The following MEIKIN variants were observed in gnomAD, a reference collection of about 807,000 sequenced individuals.
The protein encoded by MEIKIN is meiosis-specific kinetochore protein.
rs1749421643 is a variant in MEIKIN at position 131,818,879 on chromosome 5, A to G, written c.976-16T>C. 1 of 397,096 alleles carries G rather than the reference A, an allele frequency of 2.5e-6. No individual in the cohort carries two copies. Among genetic ancestry groups the G allele is most frequent in the East Asian group, 3.6e-5 (1 of 27,924 alleles). 24.6% of individuals were successfully genotyped at this position (397,096 alleles called of 1,614,324 possible). ...TTGCAGGAAACTGGAAAAGAAAAAA[A>G]GCAGATATTGCATAATTCCTCCAAA... is the stretch of plus-strand genomic sequence containing the variant. On this transcript the variant is annotated splice_polypyrimidine_tract_variant and intron_variant, in intron 11 of 12. Transcript: ENST00000442687.
At chr5:131,940,444 T>C (rs1388551389) in intron 4 of MEIKIN, among the ~76,000 whole-genome samples, 1 of 152,208 alleles carries the variant, frequency 6.6e-6, no homozygotes, top group Admixed American at 6.5e-5. Flanking sequence ...CATAGCAGCC[T>C]GCTATATTAT....
At chr5:131,829,975 A>G (rs1258590675) in intron 11 of MEIKIN, among the ~76,000 whole-genome samples, 1 of 152,228 alleles carries the variant, frequency 6.6e-6, no homozygotes, top group Non-Finnish European at 1.5e-5. Context: ...TCTTTGTTAC[A>G]GCATCTTTAA....
At chr5:131,877,981 T>C (rs1750644351) in intron 9 of MEIKIN, among the ~76,000 whole-genome samples, 1 of 152,228 alleles carries the variant, frequency 6.6e-6, no homozygotes, top group Non-Finnish European at 1.5e-5. Context: ...AGCATATCCA[T>C]GATAGACATA....
At chr5:131,856,803 T>A (rs1322992666) in intron 9 of MEIKIN, among the ~76,000 whole-genome samples, 1 of 151,478 alleles carries the variant, frequency 6.6e-6, no homozygotes, top group Non-Finnish European at 1.5e-5. Flanking sequence ...ATATATATAT[T>A]TCTAAATCTT....
intron 9 of MEIKIN, among the ~76,000 whole-genome samples, chr5:131,873,252 C>A (rs1432970442): frequency 6.6e-6 from 1 of 152,034 alleles, no homozygotes; most frequent in Non-Finnish European, 1.5e-5. Context: ...TTCAGGAAAC[C>A]CATCTCACAT....
intron 6 of MEIKIN, 73 bp downstream of exon 6, chr5:131,921,749 A>G (rs1160664636): frequency 5.0e-6 from 2 of 397,964 alleles, no homozygotes; most frequent in Non-Finnish European, 8.9e-6. Flanking sequence ...CTTAGCTTAG[A>G]AATCATTCAA....
At chr5:131,931,608 G>C (rs1405407085) in intron 5 of MEIKIN, among the ~76,000 whole-genome samples, 4 of 152,216 alleles carry the variant, frequency 2.6e-5, no homozygotes, top group Non-Finnish European at 5.9e-5. Flanking sequence ...TCAACTGTAT[G>C]ATGCTGTGCT....
At chr5:131,893,295 C>T (rs1018266067) in intron 8 of MEIKIN, among the ~76,000 whole-genome samples, 19 of 152,192 alleles carry the variant, frequency 1.2e-4, no homozygotes, top group African/African-American at 3.9e-4. Flanking sequence ...GAATGGTGGG[C>T]GCCCCTCCCC....
intron 5 of MEIKIN, among the ~76,000 whole-genome samples, chr5:131,926,592 G>A (rs1269264743): frequency 6.6e-6 from 1 of 152,124 alleles, no homozygotes; most frequent in Admixed American, 6.5e-5. Flanking sequence ...TTTTTTAGAA[G>A]AGTTTAAGAA....
At chr5:131,855,979 G>A (rs1566427) in intron 9 of MEIKIN, among the ~76,000 whole-genome samples, 119,267 of 152,160 alleles carry the variant, frequency 0.78, 46,991 homozygotes, top group African/African-American at 0.83. Flanking sequence ...TTCTTTTTGA[G>A]TAGGTGTCTC....
chr5:131,827,510 T>G (rs966630186), intron 11 of MEIKIN, among the ~76,000 whole-genome samples: 1 of 151,766 alleles, frequency 6.6e-6, no homozygotes, highest in East Asian at 1.9e-4. Flanking sequence ...TATGAGAAGG[T>G]TGAAAATAAA....
chr5:131,878,965 C>T lies in MEIKIN; in HGVS notation c.774+13G>A. 1 of 397,578 alleles carries T rather than the reference C, an allele frequency of 2.5e-6. No homozygotes were observed. Among genetic ancestry groups the T allele is most frequent in the South Asian group, 1.3e-4 (1 of 7,834 alleles). The allele number at this position is 397,578 out of a possible 1,614,324, so 24.6% of individuals were successfully genotyped here. ...TATTATGATTTATGTAGTTATTCTG[C>T]TTCAATACTTGCTTTTTTCTTTGTT... On this transcript the variant is annotated intron_variant, in intron 9 of 12. Transcript: ENST00000442687.
intron 9 of MEIKIN, among the ~76,000 whole-genome samples, chr5:131,870,908 T>C (rs1750479239): frequency 6.6e-6 from 1 of 152,074 alleles, no homozygotes; most frequent in South Asian, 2.1e-4. Flanking sequence ...TCTAGTGTAG[T>C]AGAAAGAGTA....
chr5:131,888,751 T>C (rs1446444098), intron 8 of MEIKIN, among the ~76,000 whole-genome samples: 1 of 152,246 alleles, frequency 6.6e-6, no homozygotes, highest in Non-Finnish European at 1.5e-5. Flanking sequence ...TTTGTTGCCA[T>C]TGCTTCTGGT....
Position 131,930,561 on chromosome 5 carries a change from C to CA in MEIKIN, c.478+2951dup, listed in dbSNP as rs563058260. Among the ~76,000 whole-genome samples the CA allele has an allele frequency of 4.5e-3, 689 of 152,288 alleles. 6 individuals are homozygous for CA. Among genetic ancestry groups the CA allele is most frequent in the Non-Finnish European group, 6.8e-3 (463 of 68,022 alleles). On this transcript the variant is annotated intron_variant, in intron 5 of 12. Coordinates refer to ENST00000442687, the MANE Select transcript of MEIKIN (RefSeq NM_001303622.2). ...GGAGTCTTTAAAAATGACCTGTCCT[C>CA]AAGCTCACTAATTCTTTATTCTTCT...
At chr5:131,919,666 CA>C (rs557782872) in intron 6 of MEIKIN, among the ~76,000 whole-genome samples, 181 of 151,880 alleles carry the variant, frequency 1.2e-3, no homozygotes, top group African/African-American at 3.6e-3. Context: ...CTTCATGTAA[CA>C]AAGAAGAGGA....
At chr5:131,875,159 G>A (rs1373021065) in intron 9 of MEIKIN, among the ~76,000 whole-genome samples, 3 of 152,186 alleles carry the variant, frequency 2.0e-5, no homozygotes, top group African/African-American at 7.2e-5. Flanking sequence ...TCAGCCAGGA[G>A]AAGGAAATAA....
At chr5:131,904,641 G>A (rs572910655) in intron 8 of MEIKIN, among the ~76,000 whole-genome samples, 3 of 152,102 alleles carry the variant, frequency 2.0e-5, no homozygotes, top group African/African-American at 7.2e-5. Flanking sequence ...CCATTATTGG[G>A]TATATACCCA....
At chr5:131,896,510 G>T (rs1044465407) in intron 8 of MEIKIN, among the ~76,000 whole-genome samples, 1 of 152,150 alleles carries the variant, frequency 6.6e-6, no homozygotes, top group African/African-American at 2.4e-5. Context: ...TATTGTGTGG[G>T]AGTCTAAGTC....
Sources: gnomAD v4.1 joint callset for allele counts (sites outside exome capture counted in the v4.1 genomes callset) on GRCh38, gnomAD v4.1.1 for gene constraint, MANE v1.5 for transcripts, NCBI Gene and HGNC (gene_info 2026-07-23, HGNC 2026-07-21) for gene names.